RAB11FIP1: variants seen among roughly 807,000 people sequenced by gnomAD.
The protein encoded by RAB11FIP1 is RAB11 family interacting protein 1.
In RAB11FIP1, 49 loss-of-function variants were observed where a neutral mutation model predicts 83.1. The observed-to-expected ratio is 0.59, with a 90% CI of 0.47 to 0.75. RAB11FIP1 has a LOEUF of 0.75. Ranked by LOEUF, RAB11FIP1 falls within the 30% of genes least tolerant of loss-of-function variation. RAB11FIP1 has a pLI of 0.00. For synonymous variants in RAB11FIP1, 670 were observed against 656.0 expected (o/e 1.02, Z -0.33); for missense variants, 1,536 against 1,598.7 (o/e 0.96, Z 0.67).
rs1806471263 is a variant in RAB11FIP1, at chr8:37,871,836, G to A, written c.2966C>T (p.Ala989Val). 1.2e-6 allele frequency: 2 copies of A among 1,614,032 alleles called. No homozygotes were observed. Among genetic ancestry groups the A allele is most frequent in the South Asian group, 1.1e-5 (1 of 91,088 alleles). ...GDQVEDDGET[A>V]KSSTLDIGAL... Reference sequence around the variant, plus strand: ...TCCTATGTCCAGAGTTGACGACTTTGCTGTCTCTCCATCATCTTCAACCTG... The same window carrying A: ...TCCTATGTCCAGAGTTGACGACTTTACTGTCTCTCCATCATCTTCAACCTG... The change falls in exon 4 of 6, where the codon GCA (alanine) becomes GTA (valine). Residue 989 changes from alanine to valine, a missense_variant. Transcript: ENST00000330843.
At position 37,873,781 on chromosome 8, in the gene RAB11FIP1, T is replaced by A. The variant is rs76937420; in HGVS notation, c.1623-602A>T. On this transcript the variant is annotated intron_variant, in intron 3 of 5. Coordinates refer to ENST00000330843, the MANE Select transcript of RAB11FIP1 (RefSeq NM_001002814.3). ...AGCATTTGATTATTACAGGACAAAA[T>A]GCACCTAAAAGGTTTAAAGTGGTTA... Among the ~76,000 whole-genome samples the A allele has an allele frequency of 5.9e-3, 897 of 152,058 alleles. 9 individuals carry two copies. Among genetic ancestry groups the A allele is most frequent in the African/African-American group, 0.013 (546 of 41,470 alleles).
chr8:37,877,603 A>AACTG (rs1563370702), intron 1 of RAB11FIP1, 52 bp from the exon 2 acceptor site: 2 of 1,187,046 alleles, frequency 1.7e-6, no homozygotes, highest in South Asian at 2.7e-5. Flanking sequence ...AACTGCAACA[A>AACTG]TGTTCACAAT....
intron 1 of RAB11FIP1, among the ~76,000 whole-genome samples, chr8:37,894,327 A>C (rs1428437042): frequency 6.6e-6 from 1 of 152,262 alleles, no homozygotes; most frequent in Non-Finnish European, 1.5e-5. Flanking sequence ...AAAAACAACT[A>C]TCTAGCCCTT....
chr8:37,874,215 A>G (rs1806550060), intron 3 of RAB11FIP1, among the ~76,000 whole-genome samples: 1 of 152,260 alleles, frequency 6.6e-6, no homozygotes, highest in Non-Finnish European at 1.5e-5. Flanking sequence ...AGTATTCCCA[A>G]CTTGCAACAC....
rs774641180 is a variant in RAB11FIP1, at chr8:37,875,062, C to G, written c.1075G>C (p.Glu359Gln). ...TTCCAAGACCCAGCCGCCAGGTTCT[C>G]TGTAGAAGAGAACAAATGCTTCTTT... ...FRKKHLFSST[E>Q]NLAAGSWKEP... is the part of the protein sequence containing the mutation. Residue 359 changes from glutamate to glutamine, a missense_variant, in exon 3 of 6, where the codon GAG becomes CAG. Glu to Gln is a conservative substitution (Grantham distance 29, BLOSUM62 2). Transcript: ENST00000330843. 6.2e-7 allele frequency: 1 copy of G among 1,614,190 alleles called. No individual in the cohort carries two copies. The highest frequency in any genetic ancestry group is 8.5e-7 in the Non-Finnish European group (1 of 1,180,040).
At chr8:37,888,947 G>A (rs1336620994) in intron 1 of RAB11FIP1, among the ~76,000 whole-genome samples, 1 of 151,808 alleles carries the variant, frequency 6.6e-6, no homozygotes. Context: ...ACAAGCACCC[G>A]CCACCGCGCC....
At position 37,874,799 on chromosome 8, in the gene RAB11FIP1, C is replaced by T; in HGVS notation, c.1338G>A (p.Val446=). ...GGTTTTCACCTTCACTGCCCTTAGC[C>T]ACATCCTTCTTCCCCGTCATCAGAG... The part of the protein sequence containing the change: ...LLSLMTGKKD[V]AKGSEGENPL... Residue 446 remains valine (V), a synonymous_variant, in exon 3 of 6, where the codon GTG becomes GTA. Transcript: ENST00000330843. 1.3e-5 allele frequency: 21 copies of T among 1,614,172 alleles called. No homozygotes were observed. The highest frequency in any genetic ancestry group is 1.7e-5 in the Non-Finnish European group (20 of 1,180,022).
At chr8:37,877,000 A>G (rs2130159836) in intron 2 of RAB11FIP1, 109 bp downstream of exon 2, 4 of 821,142 alleles carry the variant, frequency 4.9e-6, no homozygotes, top group Non-Finnish European at 7.7e-6. Context: ...TTTGTAATTG[A>G]GGAATTGAAT....
At chr8:37,879,789 A>T (rs549753042) in intron 1 of RAB11FIP1, among the ~76,000 whole-genome samples, 15 of 152,268 alleles carry the variant, frequency 9.9e-5, no homozygotes, top group Admixed American at 3.9e-4. Context: ...AGGCTGAGGC[A>T]GGAGAATCGC....
intron 1 of RAB11FIP1, among the ~76,000 whole-genome samples, chr8:37,886,566 G>A (rs189738908): frequency 1.3e-5 from 2 of 152,234 alleles, no homozygotes; most frequent in Admixed American, 6.5e-5. Context: ...CTCCGGGTTC[G>A]GTGAGGACTG....
At chr8:37,868,148 G>T (rs140284813) in intron 5 of RAB11FIP1, among the ~76,000 whole-genome samples, 1 of 152,154 alleles carries the variant, frequency 6.6e-6, no homozygotes, top group Non-Finnish European at 1.5e-5. Flanking sequence ...AAGGCTGGGC[G>T]CGGTGGCTCA....
In RAB11FIP1 at chr8:37,877,166, A is replaced by G; in HGVS notation, c.757T>C (p.Phe253Leu). The change falls in exon 2 of 6, where the codon TTT becomes CTT. Residue 253 changes from phenylalanine to leucine, a missense_variant. Physicochemically the swap from Phe to Leu is conservative, Grantham distance 22. Transcript: ENST00000330843. ...PEKVLLRPGD[F>L]QSQWDEDDNE... ...TCATCTTCATCCCACTGGGACTGAA[A>G]GTCTCCGGGACGAAGCAGCACTTTT... 1 of 1,614,162 alleles carries G rather than the reference A, an allele frequency of 6.2e-7. No individual in the cohort carries two copies. The highest frequency in any genetic ancestry group is 8.5e-7 in the Non-Finnish European group (1 of 1,180,026).
At chr8:37,897,409 G>A (rs763259063) in intron 1 of RAB11FIP1, among the ~76,000 whole-genome samples, 5 of 149,826 alleles carry the variant, frequency 3.3e-5, no homozygotes, top group South Asian at 4.3e-4. Flanking sequence ...ATAGGCTTTC[G>A]GTGCTAACTG....
chr8:37,882,716 G>A (rs1806753104), intron 1 of RAB11FIP1, among the ~76,000 whole-genome samples: 1 of 152,140 alleles, frequency 6.6e-6, no homozygotes, highest in Non-Finnish European at 1.5e-5. Context: ...TTGGGGTCTG[G>A]ATCAGGACCC....
At chr8:37,866,885 T>C (rs1473319359) in intron 5 of RAB11FIP1, among the ~76,000 whole-genome samples, 1 of 152,178 alleles carries the variant, frequency 6.6e-6, no homozygotes, top group East Asian at 1.9e-4. Context: ...TTACCCAGAA[T>C]GTTTACTAGG....
chr8:37,867,521 A>G (rs879275212), intron 5 of RAB11FIP1, among the ~76,000 whole-genome samples: 2 of 152,158 alleles, frequency 1.3e-5, no homozygotes, highest in Admixed American at 1.3e-4. Context: ...CCTGACCGAC[A>G]TGGTAGAACC....
In RAB11FIP1 at chr8:37,899,252, G is replaced by C. The variant is rs1343511059; in HGVS notation, c.190C>G (p.Pro64Ala). 1.2e-6 allele frequency: 2 copies of C among 1,601,902 alleles called. No individual in the cohort carries two copies. The highest frequency in any genetic ancestry group is 1.1e-5 in the South Asian group (1 of 90,238). Residue 64 changes from proline to alanine, a missense_variant, in exon 1 of 6, where the codon CCC (proline) becomes GCC (alanine). By Grantham distance (27) the Pro-to-Ala change is conservative. Transcript: ENST00000330843. The surrounding 1 kb of genome is among the most constrained non-coding windows in gnomAD (Gnocchi z 4.5). Reference sequence around the variant, plus strand: ...AAGGTGGCCTCCTCGCGCCACACGGGCGCGCCCAGGCTGCGCTCCGACACG... The same window carrying C: ...AAGGTGGCCTCCTCGCGCCACACGGCCGCGCCCAGGCTGCGCTCCGACACG... The part of the protein sequence containing the change: ...TSVSERSLGA[P>A]VWREEATFEL...
chr8:37,870,745 G>C (rs561709110), intron 4 of RAB11FIP1: 117 of 485,862 alleles, frequency 2.4e-4, no homozygotes, highest in Non-Finnish European at 4.0e-4. Context: ...GCATGTCCTT[G>C]TCCAGATGTC....
rs755443834 is a variant in RAB11FIP1, at chr8:37,873,168, G to A, written c.1634C>T (p.Ser545Phe). 1 of 1,594,322 alleles carries A rather than the reference G, an allele frequency of 6.3e-7. No individual in the cohort carries two copies. Among genetic ancestry groups the A allele is most frequent in the Non-Finnish European group, 8.5e-7 (1 of 1,174,030 alleles). The change falls in exon 4 of 6, where the codon TCT (serine) becomes TTT (phenylalanine). Residue 545 changes from serine to phenylalanine, a missense_variant. Ser to Phe is a radical substitution (Grantham distance 155, BLOSUM62 -2). Coordinates refer to ENST00000330843, the MANE Select transcript of RAB11FIP1 (RefSeq NM_001002814.3). ...TRAVKPRLEV[S>F]PEAQPTARLP... ...CCTGGCTGTGGGTTGCGCCTCTGGA[G>A]ACACTTCCAGTCTGCAAAAAGGACA...
Sources: allele counts gnomAD v4.1 joint callset (sites outside exome capture counted in the v4.1 genomes callset), GRCh38; gene constraint gnomAD v4.1.1; non-coding constraint Gnocchi (gnomAD v3.1); transcripts MANE v1.5; gene names NCBI Gene and HGNC (gene_info 2026-07-23, HGNC 2026-07-21).